Variants in CSMD3 observed in about 807,000 individuals in gnomAD.
CSMD3 encodes CUB and sushi domain-containing protein 3.
Under a neutral mutation model 435.2 loss-of-function variants are expected in CSMD3, and 177 were observed. The observed-to-expected ratio is 0.41, with a 90% confidence interval of 0.36 to 0.46. CSMD3 has a LOEUF of 0.46. Among genes scored for constraint, CSMD3 ranks in the 20% least tolerant of loss-of-function variants. The probability of loss-of-function intolerance (pLI) is 0.34; values close to 1 mark genes in which losing one functional copy is unlikely to be tolerated. For missense variants in CSMD3, 4,265 were observed against 4,504.6 expected, an observed-to-expected ratio of 0.95 and a Z score of 1.52; for synonymous variants, 1,656 against 1,520.5, an observed-to-expected ratio of 1.09 and a Z score of -2.07.
At chr8:113,087,109 C>T (rs1408241004) in intron 5 of CSMD3, among the ~76,000 whole-genome samples, 2 of 152,116 alleles carry the variant, frequency 1.3e-5, no homozygotes, top group African/African-American at 2.4e-5. Context: ...TTCTCTTTGA[C>T]TACTCTTGAT....
At chr8:113,114,338 T>C (rs2090758497) in intron 4 of CSMD3, among the ~76,000 whole-genome samples, 1 of 152,126 alleles carries the variant, frequency 6.6e-6, no homozygotes, top group African/African-American at 2.4e-5. Flanking sequence ...AATAGAAATG[T>C]TAAACAAAGA....
intron 10 of CSMD3, among the ~76,000 whole-genome samples, chr8:112,909,869 A>G (rs2082359594): frequency 6.6e-6 from 1 of 151,816 alleles, no homozygotes; most frequent in Non-Finnish European, 1.5e-5. Flanking sequence ...CAGTATCTGG[A>G]TTAAGTCCGG....
intron 10 of CSMD3, among the ~76,000 whole-genome samples, chr8:112,913,681 CCT>C (rs919809321): frequency 1.4e-5 from 2 of 146,034 alleles, no homozygotes; most frequent in Non-Finnish European, 3.0e-5. Flanking sequence ...TTTTTTTTCT[CCT>C]CTCTCTCTCT....
intron 1 of CSMD3, among the ~76,000 whole-genome samples, chr8:113,344,592 T>C (rs1172492206): frequency 3.3e-5 from 5 of 152,186 alleles, no homozygotes; most frequent in Non-Finnish European, 7.4e-5. Flanking sequence ...CAGAAATTTA[T>C]ACCTAAGTTG....
intron 6 of CSMD3, among the ~76,000 whole-genome samples, chr8:113,006,468 G>A (rs189408369): frequency 6.6e-6 from 1 of 151,926 alleles, no homozygotes; most frequent in African/African-American, 2.4e-5. Context: ...AGCCTAGTAG[G>A]GTGGGCTTTA....
intron 10 of CSMD3, among the ~76,000 whole-genome samples, chr8:112,865,397 C>G (rs2446471): frequency 0.14 from 20,910 of 152,068 alleles, 1,698 homozygotes; most frequent in Middle Eastern, 0.3. Flanking sequence ...TTTTCACTCT[C>G]TCCTGGAATT....
At chr8:113,340,561 C>G (rs1373233056) in intron 1 of CSMD3, among the ~76,000 whole-genome samples, 1 of 152,028 alleles carries the variant, frequency 6.6e-6, no homozygotes, top group Non-Finnish European at 1.5e-5. Context: ...AATTTTCTAT[C>G]TGTTCTATCA....
intron 27 of CSMD3, among the ~76,000 whole-genome samples, chr8:112,532,609 C>A (rs1825646778): frequency 6.6e-6 from 1 of 151,976 alleles, no homozygotes; most frequent in African/African-American, 2.4e-5. Flanking sequence ...AGAAAAACTG[C>A]CTTTCAAACA....
At chr8:113,048,580 A>C (rs575443168) in intron 5 of CSMD3, among the ~76,000 whole-genome samples, 1 of 151,906 alleles carries the variant, frequency 6.6e-6, no homozygotes, top group African/African-American at 2.4e-5. Flanking sequence ...AAAAAGAAAG[A>C]TTACATTTGA....
At chr8:113,175,220 T>C (rs1190134325) in intron 3 of CSMD3, among the ~76,000 whole-genome samples, 1 of 151,816 alleles carries the variant, frequency 6.6e-6, no homozygotes. Flanking sequence ...ATTTTTTGCC[T>C]AAACTTTTCA....
intron 32 of CSMD3, among the ~76,000 whole-genome samples, chr8:112,468,232 G>GTGTTTTTTTTTT (rs1818152244): frequency 2.6e-5 from 3 of 114,882 alleles, no homozygotes; most frequent in Admixed American, 9.5e-5. Flanking sequence ...ATTGCCTAAA[G>GTGTTTTTTTTTT]TATTTTTTTT....
At chr8:112,419,169 G>A (rs1449993132) in intron 32 of CSMD3, among the ~76,000 whole-genome samples, 1 of 152,042 alleles carries the variant, frequency 6.6e-6, no homozygotes, top group Non-Finnish European at 1.5e-5. Context: ...AGGCACTTAT[G>A]GTTATTATCA....
At chr8:112,333,958 T>C (rs1046081686) in intron 45 of CSMD3, among the ~76,000 whole-genome samples, 2 of 152,234 alleles carry the variant, frequency 1.3e-5, no homozygotes, top group Non-Finnish European at 2.9e-5. Context: ...CGAATTATGA[T>C]TTTCTATCAA....
chr8:112,825,450 C>T (rs933791574), intron 12 of CSMD3, among the ~76,000 whole-genome samples: 3 of 152,106 alleles, frequency 2.0e-5, no homozygotes, highest in African/African-American at 7.2e-5. Flanking sequence ...TTCTCACATT[C>T]ATGACTTTGT....
chr8:113,415,855 A>G (rs1257354004), intron 1 of CSMD3, among the ~76,000 whole-genome samples: 3 of 152,020 alleles, frequency 2.0e-5, no homozygotes, highest in Non-Finnish European at 4.4e-5. Flanking sequence ...ATAATAGTAA[A>G]CTCTTTAAGC....
intron 24 of CSMD3, among the ~76,000 whole-genome samples, chr8:112,559,292 C>T (rs76438685): frequency 0.05 from 7,667 of 151,864 alleles, 232 homozygotes; most frequent in African/African-American, 0.089. Context: ...ATTAATATGT[C>T]CCTTAAATAG....
intron 63 of CSMD3, among the ~76,000 whole-genome samples, chr8:112,250,743 A>G (rs1713711959): frequency 6.6e-6 from 1 of 151,870 alleles, no homozygotes; most frequent in Non-Finnish European, 1.5e-5. Context: ...CATTGCAATA[A>G]TTAATATTGA....
rs879844685 is a variant in CSMD3, at chr8:113,066,872, G to A, written c.917+31884C>T. ...GATGGGACTAAGAAAATATTGCTTT[G>A]TAAGTCTAATATGCTATTCCATAAT... On this transcript the variant is annotated intron_variant, in intron 5 of 70. Transcript: ENST00000297405. 3.9e-5 allele frequency among the ~76,000 whole-genome samples: 6 copies of A among 152,172 alleles called. 1 individual carries two copies. In the South Asian group the frequency reaches 1.0e-3, roughly 26 times the overall value.
At chr8:113,240,844 T>C (rs117328495) in intron 3 of CSMD3, among the ~76,000 whole-genome samples, 4,507 of 152,226 alleles carry the variant, frequency 0.03, 87 homozygotes, top group Admixed American at 0.04. Context: ...TGCTCTGTAG[T>C]AAGATAAAAT....
Sources: allele counts gnomAD v4.1 joint callset (sites outside exome capture counted in the v4.1 genomes callset), GRCh38; gene constraint gnomAD v4.1.1; transcripts MANE v1.5; gene names NCBI Gene and HGNC (gene_info 2026-07-23, HGNC 2026-07-21).